The following SLC35F1 variants were observed in gnomAD, a reference collection of about 807,000 sequenced individuals.
SLC35F1 encodes solute carrier family 35 member F1, also known as chromosome 6 open reading frame 169.
Under a neutral mutation model 48.7 loss-of-function variants are expected in SLC35F1, and 14 were observed. The observed-to-expected ratio is 0.29, with a 90% CI of 0.19 to 0.45. The LOEUF (loss-of-function observed/expected upper bound fraction) is 0.45, where lower values mean the gene tolerates loss of function less well. Ranked by LOEUF, SLC35F1 falls within the 20% of genes least tolerant of loss-of-function variation. The pLI is 1.00. For synonymous variants in SLC35F1, 190 were observed against 202.2 expected, an observed-to-expected ratio of 0.94 and a Z score of 0.51; for missense variants, 404 against 500.0, an observed-to-expected ratio of 0.81 and a Z score of 1.83.
chr6:118,314,089 C>T lies in SLC35F1; in HGVS notation c.1064C>T (p.Ser355Phe), dbSNP rs1776402659. Residue 355 changes from serine to phenylalanine, a missense_variant, in exon 8 of 8, where the codon TCC (serine) becomes TTC (phenylalanine). Physicochemically the swap from Ser to Phe is radical, Grantham distance 155. Coordinates refer to ENST00000360388, the MANE Select transcript of SLC35F1 (RefSeq NM_001029858.4). ...TILIGLVLYS[S>F]TSTYIAQDPR... ...CTCATTGGGCTGGTGCTCTACTCCT[C>T]CACCTCCACCTACATAGCCCAGGAC... The T allele has an allele frequency of 1.9e-6, 3 of 1,614,218 alleles. No homozygotes were observed. The highest frequency in any genetic ancestry group is 1.7e-6 in the Non-Finnish European group (2 of 1,180,040).
chr6:118,002,990 A>C (rs891150051), intron 1 of SLC35F1, among the ~76,000 whole-genome samples: 1 of 152,244 alleles, frequency 6.6e-6, no homozygotes, highest in Non-Finnish European at 1.5e-5. Flanking sequence ...AGTCTTATGC[A>C]GTATTGTTAT....
intron 1 of SLC35F1, among the ~76,000 whole-genome samples, chr6:118,105,912 G>A (rs1282830336): frequency 6.6e-6 from 1 of 152,070 alleles, no homozygotes; most frequent in East Asian, 1.9e-4. Context: ...CAACTTCAAA[G>A]GACCCTTAAC....
At chr6:118,203,719 T>G (rs1244472276) in intron 2 of SLC35F1, among the ~76,000 whole-genome samples, 1 of 152,210 alleles carries the variant, frequency 6.6e-6, no homozygotes, top group Non-Finnish European at 1.5e-5. Context: ...CTGTTACTCC[T>G]CACTGAATAT....
intron 2 of SLC35F1, among the ~76,000 whole-genome samples, chr6:118,177,688 T>A (rs1385385983): frequency 6.6e-6 from 1 of 152,022 alleles, no homozygotes; most frequent in Non-Finnish European, 1.5e-5. Context: ...AGTTTTGTTT[T>A]AAAAAAACAG....
intron 3 of SLC35F1, among the ~76,000 whole-genome samples, chr6:118,262,752 A>C (rs1304386389): frequency 6.6e-6 from 1 of 152,182 alleles, no homozygotes; most frequent in East Asian, 1.9e-4. Flanking sequence ...ACAAACTGTA[A>C]GTGCAAACTT....
chr6:118,064,121 A>G (rs191562595), intron 1 of SLC35F1, among the ~76,000 whole-genome samples: 1 of 152,322 alleles, frequency 6.6e-6, no homozygotes, highest in Non-Finnish European at 1.5e-5. Flanking sequence ...CATGGATGGT[A>G]GCAGGCAAAA....
At chr6:117,986,584 C>T (rs1327557722) in intron 1 of SLC35F1, among the ~76,000 whole-genome samples, 4 of 152,150 alleles carry the variant, frequency 2.6e-5, no homozygotes, top group African/African-American at 4.8e-5. Flanking sequence ...AGCCCTGTTC[C>T]GGATCACCTC....
At chr6:117,909,974 T>A (rs1775742554) in intron 1 of SLC35F1, among the ~76,000 whole-genome samples, 1 of 152,248 alleles carries the variant, frequency 6.6e-6, no homozygotes, top group African/African-American at 2.4e-5. Context: ...ATTTATTTAT[T>A]TGTCTTTCAA....
chr6:117,923,580 T>C (rs543161454), intron 1 of SLC35F1, among the ~76,000 whole-genome samples: 1 of 98,556 alleles, frequency 1.0e-5, no homozygotes, highest in East Asian at 3.0e-4. Context: ...TACATATGTG[T>C]GTGTATATAT....
intron 1 of SLC35F1, among the ~76,000 whole-genome samples, chr6:118,017,337 C>CT (rs35369666): frequency 0.21 from 31,689 of 151,996 alleles, 3,497 homozygotes; most frequent in East Asian, 0.29. Flanking sequence ...GACAGGAAAA[C>CT]TTTTTTTTGT....
At chr6:118,059,703 T>A (rs1261918268) in intron 1 of SLC35F1, among the ~76,000 whole-genome samples, 1 of 152,334 alleles carries the variant, frequency 6.6e-6, no homozygotes, top group Non-Finnish European at 1.5e-5. Flanking sequence ...GTGCTGGTTT[T>A]AAAAGCTGGA....
At chr6:118,285,469 C>T in intron 7 of SLC35F1, 131 bp downstream of exon 7, 1 of 1,006,940 alleles carries the variant, frequency 9.9e-7, no homozygotes, top group South Asian at 1.5e-5. Flanking sequence ...GTGCTAACCT[C>T]CATGATTTAG....
At chr6:118,007,223 G>T (rs1353636174) in intron 1 of SLC35F1, among the ~76,000 whole-genome samples, 3 of 152,036 alleles carry the variant, frequency 2.0e-5, no homozygotes, top group Non-Finnish European at 4.4e-5. Flanking sequence ...GGGAGCTGAG[G>T]TCACTCTCCT....
At chr6:117,914,134 CTA>C in intron 1 of SLC35F1, among the ~76,000 whole-genome samples, 1 of 150,348 alleles carries the variant, frequency 6.7e-6, no homozygotes, top group South Asian at 2.1e-4. Flanking sequence ...ATCTATCTAT[CTA>C]TCTGTCTATC....
intron 1 of SLC35F1, among the ~76,000 whole-genome samples, chr6:118,085,858 A>G (rs1435724817): frequency 2.0e-5 from 3 of 152,044 alleles, no homozygotes; most frequent in African/African-American, 7.2e-5. Flanking sequence ...ATCCTGAAGG[A>G]CCTGTCCAGT....
chr6:118,094,346 G>A (rs1045706874), intron 1 of SLC35F1, among the ~76,000 whole-genome samples: 1 of 152,106 alleles, frequency 6.6e-6, no homozygotes, highest in Non-Finnish European at 1.5e-5. Context: ...AAATGATGTA[G>A]AGCCCACAAA....
Position 118,089,897 on chromosome 6 carries a change from T to C in SLC35F1, c.174-64548T>C, listed in dbSNP as rs550104737. ...TTTCATGAAACAAAACACAATGCCT[T>C]AATTCTTGACTCAAAGCCGAAAAGC... On this transcript the variant is annotated intron_variant, in intron 1 of 7. Coordinates refer to ENST00000360388, the MANE Select transcript of SLC35F1 (RefSeq NM_001029858.4). Among the ~76,000 whole-genome samples, 67 of 152,306 alleles carry C rather than the reference T, an allele frequency of 4.4e-4. 1 individual carries two copies. Among genetic ancestry groups the C allele is most frequent in the South Asian group, 3.9e-3 (19 of 4,826 alleles).
At chr6:118,236,853 G>T (rs1318909915) in intron 3 of SLC35F1, among the ~76,000 whole-genome samples, 4 of 152,228 alleles carry the variant, frequency 2.6e-5, no homozygotes, top group South Asian at 2.1e-4. Context: ...GATGCCTCAT[G>T]AGACTCCAGA....
chr6:118,122,063 CTA>C (rs1773559762), intron 1 of SLC35F1, among the ~76,000 whole-genome samples: 1 of 151,922 alleles, frequency 6.6e-6, no homozygotes, highest in Non-Finnish European at 1.5e-5. Flanking sequence ...AAAATGAACT[CTA>C]GTTTTATTTT....
Sources: allele counts gnomAD v4.1 joint callset (sites outside exome capture counted in the v4.1 genomes callset), GRCh38; gene constraint gnomAD v4.1.1; transcripts MANE v1.5; gene names NCBI Gene and HGNC (gene_info 2026-07-23, HGNC 2026-07-21).